Variants in ASTN2 observed in about 807,000 individuals in gnomAD.
ASTN2 encodes the protein astrotactin-2.
A neutral mutation model predicts 139.8 loss-of-function variants in ASTN2; 54 were observed. The observed-to-expected ratio is 0.39, with a 90% confidence interval of 0.31 to 0.48. The LOEUF (loss-of-function observed/expected upper bound fraction) is 0.48. Ranked by LOEUF, ASTN2 falls within the 20% of genes least tolerant of loss-of-function variation. ASTN2 has a pLI of 0.95. For synonymous variants in ASTN2, 756 were observed against 719.5 expected, an observed-to-expected ratio of 1.05 and a Z score of -0.81; for missense variants, 1,565 against 1,725.1, an observed-to-expected ratio of 0.91 and a Z score of 1.64.
At chr9:116,935,095 G>T (rs745556125) in intron 10 of ASTN2, among the ~76,000 whole-genome samples, 1 of 152,188 alleles carries the variant, frequency 6.6e-6, no homozygotes, top group South Asian at 2.1e-4. Context: ...ATTACAAAGG[G>T]TGCCAATTAA....
chr9:116,491,398 T>C (rs1333276043), intron 19 of ASTN2, among the ~76,000 whole-genome samples: 1 of 152,218 alleles, frequency 6.6e-6, no homozygotes, highest in Non-Finnish European at 1.5e-5. Context: ...TTTTCTTTTA[T>C]ACTATGCTGC....
At chr9:116,514,652 C>T (rs79671669) in intron 19 of ASTN2, among the ~76,000 whole-genome samples, 3,577 of 152,262 alleles carry the variant, frequency 0.023, 132 homozygotes, top group African/African-American at 0.082. Flanking sequence ...GTGGGCTTTA[C>T]CCAGTTTGAG....
At chr9:117,172,471 T>C (rs1016420639) in intron 3 of ASTN2, among the ~76,000 whole-genome samples, 3 of 152,200 alleles carry the variant, frequency 2.0e-5, no homozygotes, top group African/African-American at 7.2e-5. Flanking sequence ...TTATATGCAC[T>C]GCATATACTT....
chr9:116,810,729 T>G (rs7860969), intron 12 of ASTN2, among the ~76,000 whole-genome samples: 73 of 152,284 alleles, frequency 4.8e-4, no homozygotes, highest in African/African-American at 1.7e-3. Flanking sequence ...AAAACTATCC[T>G]TTTTTGTTTC....
chr9:116,783,013 T>C (rs545144697), intron 13 of ASTN2, among the ~76,000 whole-genome samples: 94 of 152,260 alleles, frequency 6.2e-4, no homozygotes, highest in African/African-American at 2.2e-3. Flanking sequence ...CAGGGGACTT[T>C]TGTCTAGGAT....
intron 13 of ASTN2, among the ~76,000 whole-genome samples, chr9:116,796,584 C>T (rs905121128): frequency 6.6e-5 from 10 of 151,952 alleles, no homozygotes; most frequent in Admixed American, 5.9e-4. Flanking sequence ...GGTGATACAG[C>T]AGGAAATGGC....
intron 13 of ASTN2, 80 bp downstream of exon 13, chr9:116,805,552 T>C (rs747619443): frequency 4.4e-5 from 59 of 1,347,406 alleles, no homozygotes; most frequent in Non-Finnish European, 5.8e-5. Context: ...CTCTACCCCA[T>C]TGTGCCCATG....
chr9:117,407,665 G>T (rs1181332102), intron 1 of ASTN2, among the ~76,000 whole-genome samples: 2 of 152,168 alleles, frequency 1.3e-5, no homozygotes, highest in African/African-American at 4.8e-5. Context: ...GAGTTCTTTT[G>T]GGGGGCTATT....
intron 11 of ASTN2, among the ~76,000 whole-genome samples, chr9:116,841,967 C>A (rs774990648): frequency 1.8e-4 from 28 of 152,342 alleles, no homozygotes; most frequent in Admixed American, 1.5e-3. Context: ...TGCCTTGGGT[C>A]ATACAGCAAG....
chr9:116,692,677 C>T (rs1188077937), intron 16 of ASTN2, among the ~76,000 whole-genome samples: 2 of 152,260 alleles, frequency 1.3e-5, no homozygotes, highest in African/African-American at 2.4e-5. Flanking sequence ...ACTCCTAGTT[C>T]GTGTCTTTTA....
At chr9:116,721,826 C>A (rs777937306) in intron 16 of ASTN2, among the ~76,000 whole-genome samples, 1 of 152,202 alleles carries the variant, frequency 6.6e-6, no homozygotes, top group Non-Finnish European at 1.5e-5. Flanking sequence ...TATTGGCATG[C>A]CCAGTGCCCC....
chr9:116,716,307 A>G (rs1828312836), intron 16 of ASTN2, among the ~76,000 whole-genome samples: 1 of 152,198 alleles, frequency 6.6e-6, no homozygotes, highest in Non-Finnish European at 1.5e-5. Context: ...CCCAAATAAT[A>G]TAATGAGCAG....
intron 2 of ASTN2, among the ~76,000 whole-genome samples, chr9:117,259,295 T>C (rs1487925247): frequency 1.3e-5 from 2 of 152,128 alleles, no homozygotes; most frequent in East Asian, 3.9e-4. Flanking sequence ...ACAACCAATG[T>C]ATAAGCCAAA....
At chr9:116,750,133 G>A (rs999688778) in intron 13 of ASTN2, among the ~76,000 whole-genome samples, 1 of 152,108 alleles carries the variant, frequency 6.6e-6, no homozygotes, top group Non-Finnish European at 1.5e-5. Context: ...GTTTGTAGAT[G>A]AGCCTTCAGT....
At position 116,616,827 on chromosome 9, in the gene ASTN2, C is replaced by T. The variant is rs947647963; in HGVS notation, c.3355+1497G>A. Among the ~76,000 whole-genome samples the T allele has an allele frequency of 2.1e-5, 3 of 144,914 alleles. No individual in the cohort carries two copies. In the South Asian group the frequency reaches 6.2e-4, roughly 30 times the overall value. On this transcript the variant is annotated intron_variant, in intron 19 of 22. Coordinates refer to ENST00000313400, the MANE Select transcript of ASTN2 (RefSeq NM_001365068.1). ...CACAAAATACACACCCACCCATTCA[C>T]AGACAGTGGTAAATCTCACCCACAT...
At chr9:116,839,272 C>T (rs1465338141) in intron 11 of ASTN2, among the ~76,000 whole-genome samples, 1 of 151,996 alleles carries the variant, frequency 6.6e-6, no homozygotes, top group East Asian at 1.9e-4. Flanking sequence ...CTCAGCCTCT[C>T]GAATAGCTGG....
rs552966958 is a variant in ASTN2, at chr9:116,898,877, G to A, written c.1890-35144C>T. The stretch of plus-strand genomic sequence containing the variant: ...TTGTAGAGATGGGTCTCACTATATC[G>A]CCCTAGCTGGTCTCAAACTCTTGGG... On this transcript the variant is annotated intron_variant, in intron 10 of 22. Transcript: ENST00000313400. Among the ~76,000 whole-genome samples the A allele has an allele frequency of 1.2e-3, 184 of 152,018 alleles. 1 individual carries two copies. In the South Asian group the frequency reaches 0.021, roughly 18 times the overall value.
chr9:117,046,047 C>A (rs1239094817), intron 5 of ASTN2, among the ~76,000 whole-genome samples: 1 of 151,950 alleles, frequency 6.6e-6, no homozygotes, highest in African/African-American at 2.4e-5. Flanking sequence ...GTCACCCAGG[C>A]TGGAGTGCAG....
chr9:117,218,504 A>G (rs574068203), intron 2 of ASTN2, among the ~76,000 whole-genome samples: 369 of 152,302 alleles, frequency 2.4e-3, no homozygotes, highest in Non-Finnish European at 4.5e-3. Flanking sequence ...CTGGGCTTCT[A>G]AAGAACTCAG....
Sources: gnomAD v4.1 joint callset for allele counts (sites outside exome capture counted in the v4.1 genomes callset) on GRCh38, gnomAD v4.1.1 for gene constraint, MANE v1.5 for transcripts, NCBI Gene and HGNC (gene_info 2026-07-23, HGNC 2026-07-21) for gene names.